ARHGAP39: variants seen among roughly 807,000 people sequenced by gnomAD.
ARHGAP39 encodes rho GTPase-activating protein 39.
Under a neutral mutation model 106.9 loss-of-function variants are expected in ARHGAP39, and 44 were observed. The ratio of observed to expected loss-of-function variants is 0.41; its 90% CI spans 0.32 to 0.53. The LOEUF is 0.53. ARHGAP39 is among the 20% of genes least tolerant of loss of function. ARHGAP39 has a pLI of 0.21. For missense variants in ARHGAP39, 1,496 were observed against 1,577.3 expected, an observed-to-expected ratio of 0.95 and a Z score of 0.87; for synonymous variants, 768 against 693.2, an observed-to-expected ratio of 1.11 and a Z score of -1.69.
At chr8:144,618,371 A>G (rs1440677603) in intron 1 of ARHGAP39, among the ~76,000 whole-genome samples, 1 of 152,222 alleles carries the variant, frequency 6.6e-6, no homozygotes, top group Non-Finnish European at 1.5e-5. Context: ...AGCTTTTTAA[A>G]AAGAATCCAC....
intron 1 of ARHGAP39, among the ~76,000 whole-genome samples, chr8:144,636,589 C>T (rs559525320): frequency 1.3e-5 from 2 of 152,326 alleles, no homozygotes; most frequent in South Asian, 4.1e-4. Context: ...AACACAGACA[C>T]AGCATTACCA....
chr8:144,555,017 A>G (rs1484538863), intron 4 of ARHGAP39, among the ~76,000 whole-genome samples: 1 of 152,112 alleles, frequency 6.6e-6, no homozygotes, highest in Admixed American at 6.5e-5. Flanking sequence ...CCACCTGGCC[A>G]AGGAGGAGAA....
Position 144,545,692 on chromosome 8 carries a change from T to G in ARHGAP39, c.2078A>C (p.Asp693Ala). Residue 693 changes from aspartate to alanine, a missense_variant, in exon 6 of 12, where the codon GAC (aspartate) becomes GCC (alanine). Asp to Ala is a moderately radical substitution (Grantham distance 126). This residue lies in a region of ARHGAP39 where 470 missense variants were observed against 605.1 expected (regional missense o/e 0.78). Transcript: ENST00000377307. ...FTLRKPSSET[D>A]IENWASKHFN... ...GTGCTTGGAGGCCCAGTTCTCGATG[T>G]CCGTCTCCGAGGAGGGCTTGCGCAG... 6.2e-7 allele frequency: 1 copy of G among 1,613,284 alleles called. No homozygotes were observed. The highest frequency in any genetic ancestry group is 8.5e-7 in the Non-Finnish European group (1 of 1,179,994).
chr8:144,699,718 G>A, the ARHGAP39 span, among the ~76,000 whole-genome samples: 22 of 151,926 alleles, frequency 1.4e-4, no homozygotes, highest in Admixed American at 3.3e-4. Flanking sequence ...TGCCCAAGTT[G>A]ACTTCGCGTC....
In ARHGAP39 at chr8:144,619,182, G is replaced by A. The variant is rs1404836257; in HGVS notation, c.-81-13487C>T. ...GCGCTTGCTTCCAACGTCCCACGCCGAATCTGGAACAGAGGATGCTCTGTG... is the reference window on the plus strand; with the variant it reads ...GCGCTTGCTTCCAACGTCCCACGCCAAATCTGGAACAGAGGATGCTCTGTG... On this transcript the variant is annotated intron_variant, in intron 1 of 11. Coordinates refer to ENST00000377307, the MANE Select transcript of ARHGAP39 (RefSeq NM_025251.3). Among the ~76,000 whole-genome samples, 12 of 152,158 alleles carry A rather than the reference G, an allele frequency of 7.9e-5. 1 individual carries two copies. The highest frequency in any genetic ancestry group is 7.2e-4 in the Admixed American group (11 of 15,288).
intron 3 of ARHGAP39, among the ~76,000 whole-genome samples, chr8:144,561,796 G>A (rs141549629): frequency 0.014 from 1,728 of 125,604 alleles, 53 homozygotes; most frequent in African/African-American, 0.05. Flanking sequence ...GGTTTCCATC[G>A]GACCCCAGTG....
At chr8:144,570,902 G>C (rs1473327291) in intron 3 of ARHGAP39, among the ~76,000 whole-genome samples, 6 of 152,046 alleles carry the variant, frequency 3.9e-5, no homozygotes, top group Admixed American at 3.9e-4. Flanking sequence ...TAAATTCCTG[G>C]ACACATACAC....
chr8:144,652,220 A>AAAATAAAT (rs531719449), intron 1 of ARHGAP39, among the ~76,000 whole-genome samples: 14 of 151,988 alleles, frequency 9.2e-5, no homozygotes, highest in Non-Finnish European at 1.8e-4. Context: ...CCCCGTCTCA[A>AAAATAAAT]AAATAAATAA....
Position 144,647,608 on chromosome 8 carries a change from C to T in ARHGAP39, c.-82+38078G>A, listed in dbSNP as rs989224380. Among the ~76,000 whole-genome samples, 1 of 152,328 alleles carries T rather than the reference C, an allele frequency of 6.6e-6. No homozygotes were observed. Among genetic ancestry groups the T allele is most frequent in the South Asian group, 2.1e-4 (1 of 4,832 alleles). On this transcript the variant is annotated intron_variant, in intron 1 of 11. Transcript: ENST00000377307. The surrounding 1 kb of genome is among the most constrained non-coding windows in gnomAD (Gnocchi z 4.8). Reference sequence around the variant, plus strand: ...AATGAAAACAAAACAGCAATGAAAACGACTTTACACCAGATCAGGTCAGGA... The same window carrying T: ...AATGAAAACAAAACAGCAATGAAAATGACTTTACACCAGATCAGGTCAGGA...
the ARHGAP39 span, among the ~76,000 whole-genome samples, chr8:144,691,562 G>A: frequency 6.6e-6 from 1 of 152,056 alleles, no homozygotes; most frequent in Admixed American, 6.6e-5. Context: ...TAGTGTGCAG[G>A]TCCCTCCCCC....
chr8:144,693,849 A>G, the ARHGAP39 span, among the ~76,000 whole-genome samples: 1 of 152,210 alleles, frequency 6.6e-6, no homozygotes, highest in Non-Finnish European at 1.5e-5. Flanking sequence ...TTTGTGGGAA[A>G]GACAAATAAC....
At chr8:144,698,762 C>T in the ARHGAP39 span, 2 of 453,092 alleles carry the variant, frequency 4.4e-6, no homozygotes, top group Non-Finnish European at 8.8e-6. Flanking sequence ...CCATGAGTGT[C>T]CTTGGCCATG....
Position 144,679,483 on chromosome 8 carries a change from C to T in ARHGAP39, c.-82+6203G>A, listed in dbSNP as rs1405308192. On this transcript the variant is annotated intron_variant, in intron 1 of 11. Transcript: ENST00000377307. The surrounding 1 kb of genome is among the most constrained non-coding windows in gnomAD (Gnocchi z 4.7). The stretch of plus-strand genomic sequence containing the variant: ...AAGCAAACGAAACGCGGGCAGGAAT[C>T]AGCCTCTGCTGCTGTGAGCGCTGCA... 2.0e-5 allele frequency among the ~76,000 whole-genome samples: 3 copies of T among 152,242 alleles called. No individual in the cohort carries two copies. Among genetic ancestry groups the T allele is most frequent in the Admixed American group, 2.0e-4 (3 of 15,290 alleles).
chr8:144,537,815 T>C lies in ARHGAP39; in HGVS notation c.2522-2A>G, dbSNP rs752276674. 3.7e-6 allele frequency: 6 copies of C among 1,613,796 alleles called. No homozygotes were observed. Among genetic ancestry groups the C allele is most frequent in the Non-Finnish European group, 5.1e-6 (6 of 1,179,772 alleles). On this transcript the variant is annotated splice_acceptor_variant, in intron 6 of 11. Transcript: ENST00000377307. LOFTEE classifies it high-confidence loss of function. ...GGAGCTCTTTTATGTGCTGTGTCAC[T>C]GGGGAGCAAAGACAACCATCAGCAC...
Position 144,600,423 on chromosome 8 carries a change from T to A in ARHGAP39, c.80+5112A>T, listed in dbSNP as rs555207879. Among the ~76,000 whole-genome samples the A allele has an allele frequency of 1.5e-4, 22 of 143,746 alleles. No individual in the cohort carries two copies. In the East Asian group the frequency reaches 3.7e-3, roughly 24 times the overall value. The allele number at this position is 143,746 out of a possible 152,430, so 94.3% of individuals were successfully genotyped here. A position where few individuals can be genotyped will look rare whatever the true frequency, so the allele number is the denominator to read the frequency against. Reference sequence around the variant, plus strand: ...GTGTGTGTGCACTTGTGTACCTGAGTGTGCGTGTTCGTGGAGGCGTGCATG... The same window carrying A: ...GTGTGTGTGCACTTGTGTACCTGAGAGTGCGTGTTCGTGGAGGCGTGCATG... On this transcript the variant is annotated intron_variant, in intron 2 of 11. Coordinates refer to ENST00000377307, the MANE Select transcript of ARHGAP39 (RefSeq NM_025251.3).
At position 144,530,591 on chromosome 8, in the gene ARHGAP39, G is replaced by A. The variant is rs1255683403; in HGVS notation, c.3176C>T (p.Ala1059Val). The change falls in exon 12 of 12, where the codon GCG (alanine) becomes GTG (valine). Residue 1059 changes from alanine to valine, a missense_variant. By Grantham distance (64) the Ala-to-Val change is moderately conservative (BLOSUM62 0). This residue lies in a region of ARHGAP39 where 470 missense variants were observed against 605.1 expected (regional missense o/e 0.78). Transcript: ENST00000377307. ...GTTGCTGACATCCATCTTGGTGACC[G>A]CGACGTTGGCCGGCTGCACGAAGAC... ...LQVFVQPANVAVTKMDVSNLA... is the reference protein window; with the variant it reads ...LQVFVQPANVVVTKMDVSNLA... 12 of 1,610,386 alleles carry A rather than the reference G, an allele frequency of 7.5e-6. No individual in the cohort carries two copies. Among genetic ancestry groups the A allele is most frequent in the Non-Finnish European group, 1.0e-5 (12 of 1,178,870 alleles).
intron 2 of ARHGAP39, among the ~76,000 whole-genome samples, chr8:144,594,657 G>C (rs759654767): frequency 4.0e-5 from 6 of 150,302 alleles, no homozygotes; most frequent in Non-Finnish European, 7.4e-5. Flanking sequence ...TTGTGCCACT[G>C]CACTCCAGCC....
chr8:144,548,111 G>C lies in ARHGAP39; in HGVS notation c.975C>G (p.Tyr325Ter). 1 of 1,584,682 alleles carries C rather than the reference G, an allele frequency of 6.3e-7. No individual in the cohort carries two copies. The highest frequency in any genetic ancestry group is 8.6e-7 in the Non-Finnish European group (1 of 1,165,540). The change falls in exon 5 of 12, where the codon TAC (tyrosine) becomes TAG (stop). Residue 325 changes from tyrosine to a stop codon, truncating the protein, a stop_gained. Transcript: ENST00000377307. LOFTEE classifies it high-confidence loss of function. This position sits in a 1 kb window ranked among gnomAD's most constrained non-coding sequence, Gnocchi z 7.4. The part of the protein sequence containing the change: ...EPPVEYQAPI[Y>*]DEPPMDVQFE... ...ATTGCACGTCCATGGGGGGCTCATC[G>C]TAGATGGGGGCCTGGTACTCCACTG...
chr8:144,549,085 T>C (rs1586892768), intron 4 of ARHGAP39, among the ~76,000 whole-genome samples: 1 of 152,186 alleles, frequency 6.6e-6, no homozygotes, highest in East Asian at 1.9e-4. Flanking sequence ...GTCCCCGGAG[T>C]CACGCTGTCT....
Sources: allele counts gnomAD v4.1 joint callset (sites outside exome capture counted in the v4.1 genomes callset), GRCh38; gene constraint gnomAD v4.1.1; regional missense constraint gnomAD v4.1.1; non-coding constraint Gnocchi (gnomAD v3.1); transcripts MANE v1.5; gene names NCBI Gene and HGNC (gene_info 2026-07-23, HGNC 2026-07-21).